DYNC2I1: variants seen among roughly 807,000 people sequenced by gnomAD.
The protein encoded by DYNC2I1 is dynein 2 intermediate chain 1, also known as cytoplasmic dynein 2 intermediate chain 1.
A neutral mutation model predicts 133.4 loss-of-function variants in DYNC2I1; 89 were observed. That is an observed-to-expected ratio of 0.67 (90% CI 0.56 to 0.80). The LOEUF is 0.80. Ranked by LOEUF, DYNC2I1 falls within the 30% of genes least tolerant of loss-of-function variation. DYNC2I1 has a pLI of 0.00. For missense variants in DYNC2I1, 1,291 were observed against 1,314.5 expected, an observed-to-expected ratio of 0.98 and a Z score of 0.28; for synonymous variants, 504 against 484.3, an observed-to-expected ratio of 1.04 and a Z score of -0.54.
At chr7:158,902,923 CCCT>C (rs1425917694) in intron 10 of DYNC2I1, 2 of 258,892 alleles carry the variant, frequency 7.7e-6, no homozygotes, top group African/African-American at 4.4e-5. Flanking sequence ...GATGCTGTGG[CCCT>C]CCTCAGTGGG....
chr7:158,914,171 T>C (rs1214180858), intron 13 of DYNC2I1, 62 bp from the exon 14 acceptor site: 6 of 1,361,030 alleles, frequency 4.4e-6, no homozygotes, highest in South Asian at 2.5e-5. Flanking sequence ...ACTCTTAAGA[T>C]GTGTAATGCA....
At chr7:158,894,835 A>T (rs535598519) in intron 8 of DYNC2I1, among the ~76,000 whole-genome samples, 89 of 151,944 alleles carry the variant, frequency 5.9e-4, no homozygotes, top group African/African-American at 2.1e-3. Context: ...CTGTGCCTCC[A>T]CATCCTCACC....
rs567272214 is a variant in DYNC2I1, at chr7:158,874,164, A to C, written c.491-2445A>C. 2.4e-3 allele frequency among the ~76,000 whole-genome samples: 358 copies of C among 152,026 alleles called. 2 individuals carry two copies. Among genetic ancestry groups the C allele is most frequent in the Non-Finnish European group, 3.8e-3 (259 of 67,966 alleles). On this transcript the variant is annotated intron_variant, in intron 3 of 24. Transcript: ENST00000407559. ...GCAGTCCATTTATCTTGACCTCCCAAAGTGCTAGGATTATAAGTAGGAGCT... is the reference window on the plus strand; with the variant it reads ...GCAGTCCATTTATCTTGACCTCCCACAGTGCTAGGATTATAAGTAGGAGCT...
At chr7:158,921,833 A>G (rs1317002215) in intron 15 of DYNC2I1, among the ~76,000 whole-genome samples, 2 of 152,160 alleles carry the variant, frequency 1.3e-5, no homozygotes, top group South Asian at 2.1e-4. Flanking sequence ...CACGAGCTCC[A>G]TCTCCATCTT....
rs774947834 is a variant in DYNC2I1 at position 158,871,359 on chromosome 7, C to T, written c.287C>T (p.Ala96Val). The T allele has an allele frequency of 1.9e-6, 3 of 1,551,802 alleles. No individual in the cohort carries two copies. The highest frequency in any genetic ancestry group is 2.6e-6 in the Non-Finnish European group (3 of 1,147,142). ...RDRQRERRRD[A>V]KDREKEKLKE... is the part of the protein sequence containing the mutation. ...AGACAGAGGGAGAGGAGAAGAGACG[C>T]AAAAGACCGGGAGAAAGAAAAGCTG... The change falls in exon 3 of 25, where the codon GCA becomes GTA. Residue 96 changes from alanine to valine, a missense_variant. Transcript: ENST00000407559.
intron 7 of DYNC2I1, among the ~76,000 whole-genome samples, chr7:158,890,875 G>A (rs1251476160): frequency 6.6e-6 from 1 of 152,072 alleles, no homozygotes; most frequent in Non-Finnish European, 1.5e-5. Context: ...TGCCCAGCCT[G>A]GGTAGTGACT....
chr7:158,950,245 A>G (rs1369800659), downstream of DYNC2I1, among the ~76,000 whole-genome samples: 6 of 151,912 alleles, frequency 3.9e-5, no homozygotes, highest in Non-Finnish European at 8.8e-5. Flanking sequence ...TGTATTTTTA[A>G]TAGAGATGGG....
At chr7:158,887,148 T>A in intron 7 of DYNC2I1, 73 bp downstream of exon 7, 1 of 1,511,310 alleles carries the variant, frequency 6.6e-7, no homozygotes. Context: ...ACTTTGGGCT[T>A]CCCCTTGAAA....
At position 158,918,872 on chromosome 7, in the gene DYNC2I1, A is replaced by G. The variant is rs1049901337; in HGVS notation, c.1921+3A>G. ...CACCAGTCTACCATTCCTTCAAAGT[A>G]AGAGGCTGTTCTCAAATATGATTTT... On this transcript the variant is annotated splice_donor_region_variant and intron_variant, in intron 15 of 24. Transcript: ENST00000407559. 1.1e-5 allele frequency: 17 copies of G among 1,610,276 alleles called. No individual in the cohort carries two copies. The African/African-American group carries it at 2.1e-4, about 20-fold the overall frequency.
chr7:158,923,935 TG>T (rs1242564265), intron 17 of DYNC2I1, among the ~76,000 whole-genome samples: 2 of 152,352 alleles, frequency 1.3e-5, no homozygotes, highest in South Asian at 4.1e-4. Context: ...AAGAATGACT[TG>T]AATTTCCTTT....
At chr7:158,935,943 A>C (rs532659264) in intron 23 of DYNC2I1, among the ~76,000 whole-genome samples, 16 of 152,296 alleles carry the variant, frequency 1.1e-4, no homozygotes, top group African/African-American at 3.8e-4. Flanking sequence ...CCCAAATCCC[A>C]GCACTTCGGG....
At chr7:158,842,411 G>A in the DYNC2I1 span, among the ~76,000 whole-genome samples, 17 of 152,160 alleles carry the variant, frequency 1.1e-4, no homozygotes, top group Non-Finnish European at 1.8e-4. Context: ...TTCCTCAGCC[G>A]ACATAGTGTG....
intron 2 of DYNC2I1, among the ~76,000 whole-genome samples, chr7:158,870,468 C>T (rs1236426526): frequency 2.6e-5 from 4 of 152,064 alleles, no homozygotes; most frequent in East Asian, 1.9e-4. Context: ...GTCCTCCCAC[C>T]TCAGTCTCTT....
intron 10 of DYNC2I1, among the ~76,000 whole-genome samples, chr7:158,905,523 A>C (rs1036125115): frequency 1.3e-5 from 2 of 152,184 alleles, no homozygotes; most frequent in African/African-American, 4.8e-5. Flanking sequence ...GAAATTTTAG[A>C]GCTTCTGAGG....
rs1851434530 is a variant in DYNC2I1 at position 158,942,103 on chromosome 7, A to T, written c.2957A>T (p.Gln986Leu). The change falls in exon 24 of 25, where the codon CAG becomes CTG. Residue 986 changes from glutamine (Q) to leucine (L), a missense_variant. Coordinates refer to ENST00000407559, the MANE Select transcript of DYNC2I1 (RefSeq NM_018051.5). ...AACATCTACATCTGGGACCTCCTCC[A>T]GAGCGATCTGGGTCCTGTCGCCAAA... ...TSNIYIWDLLQSDLGPVAKQQ... is the reference protein window; with the variant it reads ...TSNIYIWDLLLSDLGPVAKQQ... 6.3e-7 allele frequency: 1 copy of T among 1,597,754 alleles called. No individual in the cohort carries two copies. The highest frequency in any genetic ancestry group is 1.7e-5 in the Admixed American group (1 of 59,246).
chr7:158,845,073 A>G, the DYNC2I1 span, among the ~76,000 whole-genome samples: 1 of 151,558 alleles, frequency 6.6e-6, no homozygotes, highest in East Asian at 1.9e-4. Flanking sequence ...CTCTTTCTCT[A>G]TTTTCTTTTC....
At chr7:158,902,009 T>C (rs903674471) in intron 9 of DYNC2I1, among the ~76,000 whole-genome samples, 193 bp downstream of exon 9, 25 of 152,218 alleles carry the variant, frequency 1.6e-4, no homozygotes, top group African/African-American at 6.0e-4. Flanking sequence ...ACCAATATGA[T>C]GTAATTAAAT....
chr7:158,913,246 T>C, intron 13 of DYNC2I1, 150 bp downstream of exon 13: 1 of 583,458 alleles, frequency 1.7e-6, no homozygotes, highest in Non-Finnish European at 2.9e-6. Context: ...CCAATTTTCT[T>C]TTAAAGAAAC....
chr7:158,913,074 A>G lies in DYNC2I1; in HGVS notation c.1680A>G (p.Gly560=), dbSNP rs764326191. ...ETREVWTQHP[G]ESTVVSGGSE... is the part of the protein sequence containing the mutation. The stretch of plus-strand genomic sequence containing the variant: ...GGGAAGTGTGGACCCAGCACCCGGG[A>G]GAAAGTACTGTTGTATCTGGAGGTA... Residue 560 remains glycine, a synonymous_variant, in exon 13 of 25, where the codon GGA becomes GGG. Coordinates refer to ENST00000407559, the MANE Select transcript of DYNC2I1 (RefSeq NM_018051.5). The G allele has an allele frequency of 8.7e-6, 14 of 1,613,386 alleles. No homozygotes were observed. The South Asian group carries it at 1.2e-4, about 14-fold the overall frequency.
Sources: allele counts gnomAD v4.1 joint callset (sites outside exome capture counted in the v4.1 genomes callset), GRCh38; gene constraint gnomAD v4.1.1; transcripts MANE v1.5; gene names NCBI Gene and HGNC (gene_info 2026-07-23, HGNC 2026-07-21).